The following GBF1 variants were observed in gnomAD, a reference collection of about 807,000 sequenced individuals.
GBF1 encodes Golgi-specific brefeldin A-resistance guanine nucleotide exchange factor 1.
Under a neutral mutation model 210.5 loss-of-function variants are expected in GBF1, and 114 were observed. That is an observed-to-expected ratio of 0.54 (90% CI 0.47 to 0.63). The LOEUF (loss-of-function observed/expected upper bound fraction) is 0.63, where lower values mean the gene tolerates loss of function less well. Ranked by LOEUF, GBF1 falls within the 30% of genes least tolerant of loss-of-function variation. GBF1 has a pLI of 0.00. For synonymous variants in GBF1, 850 were observed against 889.2 expected, an observed-to-expected ratio of 0.96 and a Z score of 0.78; for missense variants, 1,851 against 2,357.7, an observed-to-expected ratio of 0.79 and a Z score of 4.45.
Position 102,380,592 on chromosome 10 carries a change from C to T in GBF1, c.5079C>T (p.Gly1693=). The T allele has an allele frequency of 1.9e-6, 3 of 1,613,714 alleles. No individual in the cohort carries two copies. The highest frequency in any genetic ancestry group is 1.1e-5 in the South Asian group (1 of 91,076). The part of the protein sequence containing the change: ...EIFHSADARG[G]GPSALWEITW... ...TCCACAGTGCAGATGCACGGGGAGG[C>T]GGCCCCTCGGCCCTCTGGGAGATCA... The change falls in exon 38 of 40, where the codon GGC becomes GGT. Residue 1693 remains glycine, a synonymous_variant. Transcript: ENST00000369983.
intron 3 of GBF1, among the ~76,000 whole-genome samples, chr10:102,287,661 T>C (rs1370412302): frequency 6.6e-6 from 1 of 152,202 alleles, no homozygotes; most frequent in East Asian, 1.9e-4. Flanking sequence ...TTCCTCACAA[T>C]GTGGGCCTCT....
chr10:102,303,410 CA>C, intron 3 of GBF1, among the ~76,000 whole-genome samples: 1 of 152,292 alleles, frequency 6.6e-6, no homozygotes, highest in South Asian at 2.1e-4. Context: ...GCATCCTTGT[CA>C]AAATCAATTG....
the GBF1 span, among the ~76,000 whole-genome samples, chr10:102,238,461 C>T: frequency 2.0e-5 from 3 of 152,196 alleles, no homozygotes; most frequent in Non-Finnish European, 2.9e-5. Context: ...CCCCAGAGTT[C>T]TCAGACAGCG....
chr10:102,368,307 C>T lies in GBF1; in HGVS notation c.2732C>T (p.Pro911Leu). The T allele has an allele frequency of 6.2e-7, 1 of 1,614,010 alleles. No homozygotes were observed. Among genetic ancestry groups the T allele is most frequent in the East Asian group, 2.2e-5 (1 of 44,888 alleles). The stretch of plus-strand genomic sequence containing the variant: ...GTGCTGCTTCATCGAGGTGCCACCC[C>T]TGAGGGCATATTCCTGCGTGTGCCT... ...WNVLLHRGAT[P>L]EGIFLRVPTA... The change falls in exon 22 of 40, where the codon CCT becomes CTT. Residue 911 changes from proline (P) to leucine (L), a missense_variant. Around this residue, in one of 3 missense-constraint regions of GBF1, gnomAD observed 967 missense variants for 1,247.7 expected, o/e 0.78. Coordinates refer to ENST00000369983, the MANE Select transcript of GBF1 (RefSeq NM_001377137.1).
intron 4 of GBF1, among the ~76,000 whole-genome samples, chr10:102,346,189 G>C (rs1401251880): frequency 1.3e-5 from 2 of 151,876 alleles, no homozygotes; most frequent in Non-Finnish European, 2.9e-5. Flanking sequence ...CACCATATTG[G>C]CCAGGCTGGT....
At chr10:102,230,775 C>T in the GBF1 span, 3 of 1,536,314 alleles carry the variant, frequency 2.0e-6, no homozygotes, top group Non-Finnish European at 2.6e-6. Flanking sequence ...CGCCCAGGCC[C>T]TGCAGGGCCC....
At chr10:102,231,850 C>G in the GBF1 span, 14 of 1,581,414 alleles carry the variant, frequency 8.9e-6, no homozygotes, top group African/African-American at 2.7e-5. Flanking sequence ...TTCTCCGGCT[C>G]GGGGACCTCC....
intron 3 of GBF1, among the ~76,000 whole-genome samples, chr10:102,324,616 T>G (rs2056739086): frequency 6.6e-6 from 1 of 152,162 alleles, no homozygotes; most frequent in African/African-American, 2.4e-5. Flanking sequence ...AGACGGAGTT[T>G]CGCTCTGTCA....
At chr10:102,292,602 A>G (rs1421019565) in intron 3 of GBF1, among the ~76,000 whole-genome samples, 2 of 151,904 alleles carry the variant, frequency 1.3e-5, no homozygotes, top group Non-Finnish European at 2.9e-5. Flanking sequence ...CTCCTGCCTC[A>G]AGTTTTCTTC....
At chr10:102,364,459 C>T (rs1382852985) in intron 17 of GBF1, among the ~76,000 whole-genome samples, 2 of 149,378 alleles carry the variant, frequency 1.3e-5, no homozygotes, top group African/African-American at 2.5e-5. Flanking sequence ...CTCCTGACCT[C>T]GTGATCTGCC....
At chr10:102,331,276 G>A (rs1456340979) in intron 3 of GBF1, among the ~76,000 whole-genome samples, 6 of 152,064 alleles carry the variant, frequency 3.9e-5, no homozygotes, top group African/African-American at 9.7e-5. Context: ...ATCTAGGGAG[G>A]AGGAGTTCTT....
chr10:102,292,020 G>T (rs1425862210), intron 3 of GBF1, among the ~76,000 whole-genome samples: 3 of 150,944 alleles, frequency 2.0e-5, no homozygotes, highest in Non-Finnish European at 4.4e-5. Flanking sequence ...CTCCTGAGTA[G>T]CTGGGACTAC....
chr10:102,373,524 C>T (rs948770519), intron 29 of GBF1, among the ~76,000 whole-genome samples: 3 of 152,198 alleles, frequency 2.0e-5, no homozygotes, highest in South Asian at 2.1e-4. Flanking sequence ...GAGCTGAGAT[C>T]GTGCCACTGC....
chr10:102,236,744 C>T, the GBF1 span, among the ~76,000 whole-genome samples: 21 of 152,280 alleles, frequency 1.4e-4, no homozygotes, highest in African/African-American at 5.1e-4. Flanking sequence ...ATAGTGAGAG[C>T]CCACAATCGG....
chr10:102,332,005 G>A (rs531377976), intron 3 of GBF1, among the ~76,000 whole-genome samples: 87 of 151,896 alleles, frequency 5.7e-4, no homozygotes, highest in African/African-American at 1.9e-3. Flanking sequence ...GATTACAGGC[G>A]TCTGCCATCA....
rs750164321 is a variant in GBF1, at chr10:102,344,105, G to A, written c.218G>A (p.Arg73His). The A allele has an allele frequency of 4.3e-6, 7 of 1,611,426 alleles. No individual in the cohort carries two copies. Among genetic ancestry groups the A allele is most frequent in the Admixed American group, 1.7e-5 (1 of 59,982 alleles). ...VFLRPFLEVI[R>H]SEDTTGPITG... ...CTTCGACCTTTTCTGGAAGTGATTC[G>A]CTCTGAAGATACCACTGGCCCTATC... Residue 73 changes from arginine to histidine, a missense_variant, in exon 4 of 40, where the codon CGC (arginine) becomes CAC (histidine). Arg to His is a conservative substitution (Grantham distance 29, BLOSUM62 0). This residue lies in a region of GBF1 where 804 missense variants were observed against 958.6 expected (regional missense o/e 0.84). Transcript: ENST00000369983.
Position 102,380,679 on chromosome 10 carries a change from C to A in GBF1, c.5166C>A (p.Val1722=). ...HLRDELFKQT[V]IQDPMPMEPQ... is the part of the protein sequence containing the mutation. ...GAGATGAACTCTTCAAGCAGACCGT[C>A]ATCCAGGGTAGGGGGCTCAGCCCAG... Residue 1722 remains valine (V), a synonymous_variant, in exon 38 of 40, where the codon GTC becomes GTA. Transcript: ENST00000369983. 6.2e-7 allele frequency: 1 copy of A among 1,608,550 alleles called. No homozygotes were observed. The highest frequency in any genetic ancestry group is 1.1e-5 in the South Asian group (1 of 90,332).
rs2060698812 is a variant in GBF1, at chr10:102,379,267, C to T, written c.4495-17C>T. Reference sequence around the variant, plus strand: ...GACCTAACCCCACTCACATCCTGCCCCCTCCTGTGATCCTAGTTGCTAGAC... The same window carrying T: ...GACCTAACCCCACTCACATCCTGCCTCCTCCTGTGATCCTAGTTGCTAGAC... On this transcript the variant is annotated splice_polypyrimidine_tract_variant and intron_variant, in intron 33 of 39. Transcript: ENST00000369983. 1 of 1,609,612 alleles carries T rather than the reference C, an allele frequency of 6.2e-7. No individual in the cohort carries two copies. Among genetic ancestry groups the T allele is most frequent in the African/African-American group, 1.3e-5 (1 of 74,804 alleles).
intron 3 of GBF1, among the ~76,000 whole-genome samples, chr10:102,280,945 G>A (rs949773544): frequency 2.0e-5 from 3 of 152,206 alleles, no homozygotes; most frequent in African/African-American, 7.2e-5. Context: ...GCACTTCTGG[G>A]ACTTTTGCTT....
Sources: allele counts gnomAD v4.1 joint callset (sites outside exome capture counted in the v4.1 genomes callset), GRCh38; gene constraint gnomAD v4.1.1; regional missense constraint gnomAD v4.1.1; transcripts MANE v1.5; gene names NCBI Gene and HGNC (gene_info 2026-07-23, HGNC 2026-07-21).